PRTG: variants seen among roughly 807,000 people sequenced by gnomAD.
The protein encoded by PRTG is immunoglobulin superfamily, DCC subclass, member 5.
Under a neutral mutation model 122.5 loss-of-function variants are expected in PRTG, and 67 were observed. That is an observed-to-expected ratio of 0.55 (90% CI 0.45 to 0.67). PRTG has a LOEUF of 0.67. PRTG is among the 30% of genes least tolerant of loss of function. The pLI, the probability that PRTG is intolerant of heterozygous loss-of-function variation, is 0.00. For synonymous variants in PRTG, 554 were observed against 501.1 expected (o/e 1.11, Z -1.41); for missense variants, 1,435 against 1,415.4 (o/e 1.01, Z -0.22).
intron 15 of PRTG, among the ~76,000 whole-genome samples, chr15:55,633,967 A>G (rs979623256): frequency 2.0e-5 from 3 of 152,096 alleles, no homozygotes; most frequent in Non-Finnish European, 4.4e-5. Context: ...CCCTTTCACT[A>G]CTGAGCCATC....
intron 2 of PRTG, among the ~76,000 whole-genome samples, chr15:55,689,995 G>A (rs886317249): frequency 6.6e-6 from 1 of 151,704 alleles, no homozygotes; most frequent in East Asian, 1.9e-4. Flanking sequence ...GGCAACATGC[G>A]ATAGTATTTA....
chr15:55,626,449 T>G (rs1047398079), intron 17 of PRTG, among the ~76,000 whole-genome samples: 1 of 148,974 alleles, frequency 6.7e-6, no homozygotes, highest in African/African-American at 2.5e-5. Context: ...TTAAGAATAT[T>G]GGCATTAGCA....
intron 15 of PRTG, among the ~76,000 whole-genome samples, chr15:55,635,105 T>TG (rs2059250674): frequency 1.8e-5 from 1 of 56,654 alleles, no homozygotes; most frequent in African/African-American, 5.9e-5. Context: ...GTGTGTGTGT[T>TG]TTTTGAGACA....
At chr15:55,623,206 T>C (rs1471506455) in intron 18 of PRTG, among the ~76,000 whole-genome samples, 1 of 152,186 alleles carries the variant, frequency 6.6e-6, no homozygotes, top group African/African-American at 2.4e-5. Flanking sequence ...TTTTAGGCTT[T>C]GCAGGCCACA....
intron 14 of PRTG, 78 bp downstream of exon 14, chr15:55,638,471 C>T (rs1312023735): frequency 4.2e-5 from 49 of 1,169,608 alleles, no homozygotes; most frequent in Non-Finnish European, 5.9e-5. Flanking sequence ...GTATCCTACA[C>T]AGAATGACAT....
chr15:55,669,679 G>A (rs2059457561), intron 11 of PRTG, among the ~76,000 whole-genome samples: 1 of 152,192 alleles, frequency 6.6e-6, no homozygotes, highest in African/African-American at 2.4e-5. Context: ...AGGTGATCCA[G>A]TCAACAGCTG....
chr15:55,673,112 TCA>T (rs1491541685), intron 10 of PRTG, among the ~76,000 whole-genome samples: 1 of 152,188 alleles, frequency 6.6e-6, no homozygotes, highest in African/African-American at 2.4e-5. Context: ...CTTTGGAAAC[TCA>T]GTTTGATTTG....
intron 11 of PRTG, among the ~76,000 whole-genome samples, chr15:55,668,172 C>T (rs1033051133): frequency 1.4e-4 from 22 of 152,124 alleles, no homozygotes; most frequent in Non-Finnish European, 3.1e-4. Flanking sequence ...ACTAATCATG[C>T]TTACTGTAAA....
At chr15:55,720,020 T>C (rs953951154) in intron 2 of PRTG, among the ~76,000 whole-genome samples, 10 of 151,844 alleles carry the variant, frequency 6.6e-5, no homozygotes, top group African/African-American at 1.2e-4. Flanking sequence ...GATTGTGCCA[T>C]TGCACTCCAG....
At chr15:55,661,648 T>C (rs1454020281) in intron 11 of PRTG, among the ~76,000 whole-genome samples, 2 of 152,106 alleles carry the variant, frequency 1.3e-5, no homozygotes, top group Non-Finnish European at 2.9e-5. Context: ...ATTTAGGTAC[T>C]AAAAAAAGTT....
In PRTG at chr15:55,612,335, A is replaced by C. The variant is rs1555428146; in HGVS notation, c.*7677T>G. On this transcript the variant is annotated 3_prime_UTR_variant, in exon 20 of 20. Coordinates refer to ENST00000389286, the MANE Select transcript of PRTG (RefSeq NM_173814.6). ...GTAACATAAATTTTTTTTCAGTTGT[A>C]AGTCAAGACTATGTCTATATACCAT... is the stretch of plus-strand genomic sequence containing the variant. 1 of 152,054 alleles carries C rather than the reference A, an allele frequency of 6.6e-6. No homozygotes were observed. Among genetic ancestry groups the C allele is most frequent in the Non-Finnish European group, 1.5e-5 (1 of 67,934 alleles). The allele number at this position is 152,054 out of a possible 1,614,324, so 9.4% of individuals were successfully genotyped here. A position where few individuals can be genotyped will look rare whatever the true frequency, so the allele number is the denominator to read the frequency against.
chr15:55,661,287 G>A (rs1348163552), intron 11 of PRTG, among the ~76,000 whole-genome samples: 4 of 152,120 alleles, frequency 2.6e-5, no homozygotes, highest in African/African-American at 7.2e-5. Flanking sequence ...CAAAATCAGA[G>A]CACAAACTTA....
intron 2 of PRTG, among the ~76,000 whole-genome samples, chr15:55,699,527 A>G (rs1318685938): frequency 6.6e-6 from 1 of 152,256 alleles, no homozygotes; most frequent in African/African-American, 2.4e-5. Context: ...AAGATTTAGA[A>G]TAAGACAATG....
At position 55,660,493 on chromosome 15, in the gene PRTG, G is replaced by A. The variant is rs578137015; in HGVS notation, c.2041+11952C>T. Among the ~76,000 whole-genome samples the A allele has an allele frequency of 1.8e-4, 28 of 152,292 alleles. 1 individual carries two copies. In the South Asian group the frequency reaches 5.8e-3, roughly 32 times the overall value. ...TGCAGTATGATTAATGGACAGTATT[G>A]ATTTAATTTTCTACAAGAGTTCTTC... On this transcript the variant is annotated intron_variant, in intron 11 of 19. Coordinates refer to ENST00000389286, the MANE Select transcript of PRTG (RefSeq NM_173814.6).
chr15:55,654,397 G>A (rs562822678), intron 11 of PRTG, among the ~76,000 whole-genome samples: 1 of 152,100 alleles, frequency 6.6e-6, no homozygotes. Flanking sequence ...CGAGTAAAAT[G>A]GAGTGATCAT....
intron 11 of PRTG, among the ~76,000 whole-genome samples, chr15:55,651,526 A>G (rs1314670409): frequency 6.6e-6 from 1 of 152,166 alleles, no homozygotes; most frequent in Non-Finnish European, 1.5e-5. Context: ...GTACTGCCTG[A>G]TTGAAGATGA....
Position 55,729,056 on chromosome 15 carries a change from A to G in PRTG, c.397+11326T>C, listed in dbSNP as rs550395081. 7.2e-5 allele frequency among the ~76,000 whole-genome samples: 11 copies of G among 152,364 alleles called. 1 individual carries two copies. The highest frequency in any genetic ancestry group is 2.4e-4 in the African/African-American group (10 of 41,590). On this transcript the variant is annotated intron_variant, in intron 2 of 19. Transcript: ENST00000389286. ...TCAGCAAAAAGGTAAAAGACTGTAC[A>G]TTGAAAACTACAAACAGTATCAAGA...
At chr15:55,687,896 T>C (rs531252415) in intron 2 of PRTG, among the ~76,000 whole-genome samples, 1 of 152,328 alleles carries the variant, frequency 6.6e-6, no homozygotes, top group African/African-American at 2.4e-5. Context: ...GAATCAACAA[T>C]GAAAGTAAAT....
At chr15:55,708,057 T>G (rs2030206508) in intron 2 of PRTG, among the ~76,000 whole-genome samples, 1 of 150,724 alleles carries the variant, frequency 6.6e-6, no homozygotes, top group South Asian at 2.1e-4. Flanking sequence ...TGGACACTCC[T>G]TTACATGTTT....
Sources: allele counts gnomAD v4.1 joint callset (sites outside exome capture counted in the v4.1 genomes callset), GRCh38; gene constraint gnomAD v4.1.1; transcripts MANE v1.5; gene names NCBI Gene and HGNC (gene_info 2026-07-23, HGNC 2026-07-21).